Variants in SCNN1G observed in about 807,000 individuals in gnomAD.
SCNN1G encodes the protein sodium channel epithelial 1 subunit gamma.
In SCNN1G, 27 loss-of-function variants were observed where a neutral mutation model predicts 64.6. The ratio of observed to expected loss-of-function variants is 0.42; its 90% CI spans 0.31 to 0.58. The LOEUF (loss-of-function observed/expected upper bound fraction) is 0.58, where lower values mean the gene tolerates loss of function less well. SCNN1G is among the 20% of genes least tolerant of loss of function. The pLI, the probability that SCNN1G is intolerant of heterozygous loss-of-function variation, is 0.18. For missense variants in SCNN1G, 743 were observed against 823.4 expected (o/e 0.90, Z 1.19); for synonymous variants, 330 against 314.2 (o/e 1.05, Z -0.53).
chr16:23,184,006 A>G (rs1020401004), intron 1 of SCNN1G, among the ~76,000 whole-genome samples: 15 of 152,242 alleles, frequency 9.9e-5, no homozygotes, highest in African/African-American at 3.4e-4. Flanking sequence ...ATGAGGTGAC[A>G]GCTGCAAAGT....
In SCNN1G at chr16:23,192,486, T is replaced by C. The variant is rs1567263678; in HGVS notation, c.753T>C (p.Tyr251=). The C allele has an allele frequency of 1.2e-6, 2 of 1,613,276 alleles. No individual in the cohort carries two copies. Among genetic ancestry groups the C allele is most frequent in the Non-Finnish European group, 1.7e-6 (2 of 1,180,004 alleles). ...VPLEKKINMS[Y]SAEELLVTCF... ...TGGAGAAGAAAATCAACATGAGCTA[T>C]TCTGCTGAGGAGCTGCTGGTGACCT... Residue 251 remains tyrosine, a synonymous_variant, in exon 4 of 13, where the codon TAT becomes TAC. Coordinates refer to ENST00000300061, the MANE Select transcript of SCNN1G (RefSeq NM_001039.4).
At position 23,215,391 on chromosome 16, in the gene SCNN1G, C is replaced by A; in HGVS notation, c.1872C>A (p.Pro624=). 4 of 1,614,170 alleles carry A rather than the reference C, an allele frequency of 2.5e-6. No homozygotes were observed. The highest frequency in any genetic ancestry group is 3.4e-6 in the Non-Finnish European group (4 of 1,180,038). The change falls in exon 13 of 13, where the codon CCC becomes CCA. Residue 624 remains proline, a synonymous_variant. Coordinates refer to ENST00000300061, the MANE Select transcript of SCNN1G (RefSeq NM_001039.4). ...GAACCCAAGTGCCCGGCACACCGCC[C>A]CCCAAATACAATACCTTGCGCTTGG... ...ALGTQVPGTP[P]PKYNTLRLER...
At chr16:23,184,837 C>T (rs923129313) in intron 1 of SCNN1G, among the ~76,000 whole-genome samples, 1 of 152,164 alleles carries the variant, frequency 6.6e-6, no homozygotes, top group Non-Finnish European at 1.5e-5. Context: ...CCTCTCTGGT[C>T]CTGGGGACCA....
chr16:23,189,381 G>A lies in SCNN1G; in HGVS notation c.328G>A (p.Val110Ile), dbSNP rs147276737. The part of the protein sequence containing the change: ...CNINPYKYST[V>I]RHLLADLEQE... ...TCCCCACCTTGGCAGGTACAGCACCGTTCGCCACCTTCTAGCTGACTTGGA... is the reference window on the plus strand; with the variant it reads ...TCCCCACCTTGGCAGGTACAGCACCATTCGCCACCTTCTAGCTGACTTGGA... Residue 110 changes from valine to isoleucine, a missense_variant, in exon 3 of 13, where the codon GTT becomes ATT. Val to Ile is a conservative substitution (Grantham distance 29). Transcript: ENST00000300061. The A allele has an allele frequency of 6.1e-5, 99 of 1,613,612 alleles. No individual in the cohort carries two copies. The highest frequency in any genetic ancestry group is 2.7e-4 in the East Asian group (12 of 44,876).
intron 6 of SCNN1G, among the ~76,000 whole-genome samples, chr16:23,202,117 A>G (rs955319023): frequency 1.3e-5 from 2 of 152,200 alleles, no homozygotes; most frequent in African/African-American, 2.4e-5. Context: ...ACACCTGACC[A>G]AAGACAAAAG....
In SCNN1G at chr16:23,186,143, G is replaced by A. The variant is rs186327379; in HGVS notation, c.-44-85G>A. The A allele has an allele frequency of 2.8e-4, 231 of 828,678 alleles. 1 individual carries two copies. The African/African-American group carries it at 3.0e-3, about 11-fold the overall frequency. 51.3% of individuals were successfully genotyped at this position (828,678 alleles called of 1,614,324 possible). A position where few individuals can be genotyped will look rare whatever the true frequency, so the allele number is the denominator to read the frequency against. Reference sequence around the variant, plus strand: ...GGAGGTCTCTAAGGGCGCATGGACTGGTGTTTCCCAGACTGTGGTCTCCAG... The same window carrying A: ...GGAGGTCTCTAAGGGCGCATGGACTAGTGTTTCCCAGACTGTGGTCTCCAG... On this transcript the variant is annotated intron_variant, in intron 1 of 12. Coordinates refer to ENST00000300061, the MANE Select transcript of SCNN1G (RefSeq NM_001039.4).
chr16:23,193,953 G>C (rs1438989062), intron 4 of SCNN1G, among the ~76,000 whole-genome samples: 1 of 126,222 alleles, frequency 7.9e-6, no homozygotes, highest in African/African-American at 3.4e-5. Flanking sequence ...AAGATTCCGA[G>C]AGAAAACAGA....
chr16:23,190,888 C>G (rs111698890), intron 3 of SCNN1G, among the ~76,000 whole-genome samples: 7,923 of 136,338 alleles, frequency 0.058, 309 homozygotes, highest in Non-Finnish European at 0.073. Context: ...CTGTCACCCA[C>G]GCTGGAGTGC....
At position 23,192,334 on chromosome 16, in the gene SCNN1G, A is replaced by G. The variant is rs1959722298; in HGVS notation, c.619-18A>G. On this transcript the variant is annotated intron_variant, in intron 3 of 12. Coordinates refer to ENST00000300061, the MANE Select transcript of SCNN1G (RefSeq NM_001039.4). ...ATAGGACCGATGGCTTCAGCCTCGCATCTCCTCTTATTCACAGTGCTCAAA... is the reference window on the plus strand; with the variant it reads ...ATAGGACCGATGGCTTCAGCCTCGCGTCTCCTCTTATTCACAGTGCTCAAA... 1 of 1,609,742 alleles carries G rather than the reference A, an allele frequency of 6.2e-7. No homozygotes were observed. Among genetic ancestry groups the G allele is most frequent in the Non-Finnish European group, 8.5e-7 (1 of 1,176,228 alleles).
rs145131420 is a variant in SCNN1G, at chr16:23,189,669, C to T, written c.616C>T (p.Leu206=). The T allele has an allele frequency of 2.5e-6, 4 of 1,613,922 alleles. No homozygotes were observed. The African/African-American group carries it at 5.3e-5, about 22-fold the overall frequency. The change falls in exon 3 of 13, where the codon CTG becomes TTG. Residue 206 remains leucine, a splice_region_variant and synonymous_variant. Coordinates refer to ENST00000300061, the MANE Select transcript of SCNN1G (RefSeq NM_001039.4). ...IESKQVVGFQ[L]CSNDTSDCAT... ...GTCCAAGCAAGTGGTGGGATTCCAA[C>T]TGGTAAGATTTCACCTTCTCATTCT...
intron 6 of SCNN1G, among the ~76,000 whole-genome samples, chr16:23,206,350 C>A (rs1438488518): frequency 2.0e-5 from 3 of 152,200 alleles, no homozygotes; most frequent in African/African-American, 7.2e-5. Context: ...GGCTCTCTAA[C>A]CCCAGAAGCT....
At chr16:23,205,635 G>A (rs1226453602) in intron 6 of SCNN1G, among the ~76,000 whole-genome samples, 2 of 151,718 alleles carry the variant, frequency 1.3e-5, no homozygotes, top group Admixed American at 1.3e-4. Context: ...GGGAGGTGGA[G>A]GTTGCAGTGA....
Position 23,212,072 on chromosome 16 carries a change from G to A in SCNN1G, c.1215G>A (p.Glu405=), listed in dbSNP as rs775158198. 1 of 1,614,060 alleles carries A rather than the reference G, an allele frequency of 6.2e-7. No individual in the cohort carries two copies. Among genetic ancestry groups the A allele is most frequent in the Non-Finnish European group, 8.5e-7 (1 of 1,179,928 alleles). ...CATGCTTCCAGACAAAGATGGTGGAGAAATGTGGGTGTGCCCAGTACAGCC... is the reference window on the plus strand; with the variant it reads ...CATGCTTCCAGACAAAGATGGTGGAAAAATGTGGGTGTGCCCAGTACAGCC... ...LHSCFQTKMV[E]KCGCAQYSQP... is the part of the protein sequence containing the mutation. The change falls in exon 8 of 13, where the codon GAG becomes GAA. Residue 405 remains glutamate (E), a synonymous_variant. Transcript: ENST00000300061.
chr16:23,200,874 C>T (rs868403750), intron 6 of SCNN1G, among the ~76,000 whole-genome samples: 1 of 152,116 alleles, frequency 6.6e-6, no homozygotes, highest in African/African-American at 2.4e-5. Context: ...AAATCTGGGG[C>T]TTCACTGCCT....
chr16:23,194,200 A>T lies in SCNN1G; in HGVS notation c.839A>T (p.His280Leu), dbSNP rs140859214. The T allele has an allele frequency of 1.2e-6, 2 of 1,613,820 alleles. No individual in the cohort carries two copies. The highest frequency in any genetic ancestry group is 2.2e-5 in the South Asian group (2 of 91,082). ...TTCACGCTTTTCCACCACCCGATGC[A>T]TGGGAATTGCTATACTTTCAACAAC... The part of the protein sequence containing the change: ...RNFTLFHHPM[H>L]GNCYTFNNRE... The change falls in exon 5 of 13, where the codon CAT becomes CTT. Residue 280 changes from histidine to leucine, a missense_variant. Coordinates refer to ENST00000300061, the MANE Select transcript of SCNN1G (RefSeq NM_001039.4).
At chr16:23,194,324 TG>T in intron 5 of SCNN1G, 50 bp downstream of exon 5, 1 of 1,281,078 alleles carries the variant, frequency 7.8e-7, no homozygotes, top group South Asian at 1.2e-5. Context: ...ATAGTGGACA[TG>T]GGGGCAGCAG....
intron 1 of SCNN1G, among the ~76,000 whole-genome samples, chr16:23,185,912 C>T (rs1374446913): frequency 6.6e-6 from 1 of 152,126 alleles, no homozygotes; most frequent in Admixed American, 6.5e-5. Context: ...AGTTCCTGCC[C>T]AGGAACCCGG....
intron 4 of SCNN1G, 137 bp from the exon 5 acceptor site, chr16:23,194,034 G>A: frequency 2.8e-6 from 2 of 713,764 alleles, no homozygotes; most frequent in South Asian, 3.0e-5. Context: ...ATTTGATCAG[G>A]AGCAAGATGG....
chr16:23,189,708 G>T, intron 3 of SCNN1G, 37 bp downstream of exon 3: 1 of 1,596,894 alleles, frequency 6.3e-7, no homozygotes, highest in Non-Finnish European at 8.6e-7. Flanking sequence ...ACTGCTTAGG[G>T]GCATGGGATG....
Sources: allele counts gnomAD v4.1 joint callset (sites outside exome capture counted in the v4.1 genomes callset), GRCh38; gene constraint gnomAD v4.1.1; transcripts MANE v1.5; gene names NCBI Gene and HGNC (gene_info 2026-07-23, HGNC 2026-07-21).